The following NPSR1 variants were observed in gnomAD, a reference collection of about 807,000 sequenced individuals.
NPSR1 encodes neuropeptide S receptor.
A neutral mutation model predicts 46.9 loss-of-function variants in NPSR1; 48 were observed. The observed-to-expected ratio is 1.02, with a 90% confidence interval of 0.81 to 1.30. The LOEUF is 1.30. Among genes scored for constraint, NPSR1 ranks in the 50% most tolerant of loss-of-function variants. The pLI is 0.00. For missense variants in NPSR1, 450 were observed against 449.5 expected (o/e 1.00, Z -0.01); for synonymous variants, 176 against 168.1 (o/e 1.05, Z -0.36).
chr7:34,749,047 A>G (rs532229343), intron 2 of NPSR1, among the ~76,000 whole-genome samples: 1 of 152,278 alleles, frequency 6.6e-6, no homozygotes, highest in East Asian at 1.9e-4. Context: ...TGCTTCTCCC[A>G]GGTGACAGCC....
At chr7:34,844,347 T>A (rs1036637092) in intron 6 of NPSR1, among the ~76,000 whole-genome samples, 1 of 152,226 alleles carries the variant, frequency 6.6e-6, no homozygotes, top group Non-Finnish European at 1.5e-5. Context: ...GTGTTCACCA[T>A]CAGACAACAG....
At chr7:34,751,661 C>A in intron 2 of NPSR1, 2 of 1,594,196 alleles carry the variant, frequency 1.3e-6, no homozygotes, top group South Asian at 2.2e-5. Flanking sequence ...AGAGCCACAT[C>A]CCCAGCCAGG....
At chr7:34,831,848 C>CAA (rs201121397) in intron 5 of NPSR1, among the ~76,000 whole-genome samples, 15 of 140,386 alleles carry the variant, frequency 1.1e-4, no homozygotes, top group African/African-American at 3.7e-4. Flanking sequence ...CCGACAATTG[C>CAA]AAAAAAAAAA....
chr7:34,857,367 A>G (rs117153487), intron 8 of NPSR1, among the ~76,000 whole-genome samples: 1 of 151,804 alleles, frequency 6.6e-6, no homozygotes, highest in Non-Finnish European at 1.5e-5. Context: ...CAAACTTATC[A>G]TGAAAGAATA....
At chr7:34,758,052 A>T (rs571717295) in intron 2 of NPSR1, 1 of 152,698 alleles carries the variant, frequency 6.5e-6, no homozygotes, top group South Asian at 2.1e-4. Flanking sequence ...CCTCCATACT[A>T]ATACTTGGGT....
At chr7:34,770,330 C>T (rs1383884997) in intron 2 of NPSR1, among the ~76,000 whole-genome samples, 4 of 152,204 alleles carry the variant, frequency 2.6e-5, no homozygotes, top group Non-Finnish European at 5.9e-5. Flanking sequence ...CTGCTCACAT[C>T]TGACCTTCTC....
At chr7:34,807,322 A>T (rs1788747280) in intron 3 of NPSR1, among the ~76,000 whole-genome samples, 1 of 152,066 alleles carries the variant, frequency 6.6e-6, no homozygotes, top group South Asian at 2.1e-4. Flanking sequence ...AGCAATGTGT[A>T]CTATTCTTAT....
At chr7:34,689,718 A>T (rs1793148333) in intron 2 of NPSR1, among the ~76,000 whole-genome samples, 1 of 151,546 alleles carries the variant, frequency 6.6e-6, no homozygotes, top group African/African-American at 2.4e-5. Context: ...TAAGGCCGGC[A>T]AATCACTTGA....
chr7:34,785,339 C>A lies in NPSR1; in HGVS notation c.384+6774C>A, dbSNP rs543324037. ...AGATGGGAACTGAACAATGAGAACA[C>A]ATGGACACAGGAAGGGGAACATCAC... On this transcript the variant is annotated intron_variant, in intron 3 of 8. Coordinates refer to ENST00000360581, the MANE Select transcript of NPSR1 (RefSeq NM_207172.2). 3.0e-5 allele frequency among the ~76,000 whole-genome samples: 4 copies of A among 132,808 alleles called. No individual in the cohort carries two copies. The East Asian group carries it at 9.0e-4, about 30-fold the overall frequency. The allele number at this position is 132,808 out of a possible 152,430, so 87.1% of individuals were successfully genotyped here.
intron 1 of NPSR1, among the ~76,000 whole-genome samples, chr7:34,678,719 G>A (rs1020924730): frequency 2.6e-4 from 40 of 151,630 alleles, no homozygotes; most frequent in African/African-American, 9.2e-4. Context: ...CCATCTACTC[G>A]GGAGGCTGAG....
chr7:34,684,824 T>C (rs1792847597), intron 2 of NPSR1, 140 bp downstream of exon 2: 1 of 691,504 alleles, frequency 1.4e-6, no homozygotes, highest in Non-Finnish European at 2.3e-6. Flanking sequence ...ATATAAAACC[T>C]ATATTTGAAT....
chr7:34,748,201 T>C (rs1314951825), intron 2 of NPSR1, among the ~76,000 whole-genome samples: 3 of 152,250 alleles, frequency 2.0e-5, no homozygotes, highest in Non-Finnish European at 1.5e-5. Context: ...GATCAAGGCA[T>C]ACTTTTTACT....
At chr7:34,725,546 G>A (rs1784100420) in intron 2 of NPSR1, among the ~76,000 whole-genome samples, 1 of 152,210 alleles carries the variant, frequency 6.6e-6, no homozygotes, top group Non-Finnish European at 1.5e-5. Context: ...CAGAGCCTGT[G>A]CTCCCAAACA....
At chr7:34,780,862 A>T (rs1787198152) in intron 3 of NPSR1, among the ~76,000 whole-genome samples, 1 of 152,188 alleles carries the variant, frequency 6.6e-6, no homozygotes, top group African/African-American at 2.4e-5. Context: ...ACCCACTGTG[A>T]AAAACGTTTC....
chr7:34,778,513 C>T lies in NPSR1; in HGVS notation c.332C>T (p.Thr111Ile). 2 of 1,613,010 alleles carry T rather than the reference C, an allele frequency of 1.2e-6. No homozygotes were observed. The highest frequency in any genetic ancestry group is 1.7e-6 in the Non-Finnish European group (2 of 1,179,286). ...TTGACAGATATTAATTGGCGATTCA[C>T]TGGAGACTTCACGGCACCTGACCTG... ...NILTDINWRFTGDFTAPDLVC... is the reference protein window; with the variant it reads ...NILTDINWRFIGDFTAPDLVC... The change falls in exon 3 of 9, where the codon ACT becomes ATT. Residue 111 changes from threonine (T) to isoleucine (I), a missense_variant. Coordinates refer to ENST00000360581, the MANE Select transcript of NPSR1 (RefSeq NM_207172.2).
chr7:34,777,280 G>T (rs1562719372), intron 2 of NPSR1, among the ~76,000 whole-genome samples: 1 of 152,060 alleles, frequency 6.6e-6, no homozygotes, highest in Non-Finnish European at 1.5e-5. Context: ...TTTCCTTTTG[G>T]CTAGAGCTAA....
At chr7:34,854,922 G>T (rs1278420649), downstream of NPSR1, among the ~76,000 whole-genome samples, 5 of 151,934 alleles carry the variant, frequency 3.3e-5, no homozygotes, top group Admixed American at 2.6e-4. Context: ...CCACGAGATT[G>T]AATTCATATA....
intron 2 of NPSR1, among the ~76,000 whole-genome samples, chr7:34,692,646 G>A (rs888865144): frequency 6.6e-6 from 1 of 151,670 alleles, no homozygotes; most frequent in African/African-American, 2.4e-5. Context: ...AAGGAACAAG[G>A]AAAGCGAGAA....
intron 2 of NPSR1, chr7:34,751,572 G>C: frequency 6.3e-7 from 1 of 1,598,932 alleles, no homozygotes; most frequent in Non-Finnish European, 8.6e-7. Context: ...CTTTGGTCTT[G>C]TGCTCCTGTT....
Sources: allele counts gnomAD v4.1 joint callset (sites outside exome capture counted in the v4.1 genomes callset), GRCh38; gene constraint gnomAD v4.1.1; transcripts MANE v1.5; gene names NCBI Gene and HGNC (gene_info 2026-07-23, HGNC 2026-07-21).